DPP10: variants seen among roughly 807,000 people sequenced by gnomAD.
The protein encoded by DPP10 is inactive dipeptidyl peptidase 10.
A neutral mutation model predicts 120.9 loss-of-function variants in DPP10; 33 were observed. The observed-to-expected ratio is 0.27, with a 90% CI of 0.21 to 0.37. The LOEUF is 0.37. DPP10 is among the 10% of genes least tolerant of loss of function. The pLI is 1.00. For synonymous variants in DPP10, 337 were observed against 326.1 expected (o/e 1.03, Z -0.36); for missense variants, 816 against 942.8 (o/e 0.87, Z 1.76).
intron 1 of DPP10, among the ~76,000 whole-genome samples, chr2:115,166,610 A>G (rs1016516833): frequency 6.8e-6 from 1 of 147,676 alleles, no homozygotes; most frequent in Non-Finnish European, 1.5e-5. Flanking sequence ...TTTATTAAGA[A>G]CATACAACAA....
chr2:115,043,878 T>A (rs1704860289), intron 1 of DPP10, among the ~76,000 whole-genome samples: 1 of 152,128 alleles, frequency 6.6e-6, no homozygotes. Flanking sequence ...AGGCAGTAAT[T>A]TTTTAAAAAA....
chr2:115,712,841 G>A (rs2092375834), intron 7 of DPP10, among the ~76,000 whole-genome samples: 1 of 151,686 alleles, frequency 6.6e-6, no homozygotes, highest in African/African-American at 2.4e-5. Context: ...TTTGCAGGTT[G>A]CATGTAAGTA....
At chr2:115,607,079 T>G (rs2083750890) in intron 5 of DPP10, among the ~76,000 whole-genome samples, 1 of 152,058 alleles carries the variant, frequency 6.6e-6, no homozygotes, top group African/African-American at 2.4e-5. Context: ...TCACAGACAA[T>G]TAAAAACTAA....
intron 3 of DPP10, among the ~76,000 whole-genome samples, chr2:115,366,741 C>A (rs543504777): frequency 2.0e-5 from 3 of 152,046 alleles, no homozygotes; most frequent in African/African-American, 4.8e-5. Flanking sequence ...GGTGCAGTTG[C>A]CTAGCTCCCA....
chr2:115,137,217 G>C (rs2050692418), intron 1 of DPP10, among the ~76,000 whole-genome samples: 1 of 152,200 alleles, frequency 6.6e-6, no homozygotes, highest in African/African-American at 2.4e-5. Flanking sequence ...TTTTCTGATA[G>C]GCAGTGATAG....
At chr2:115,460,221 A>G (rs985713094) in intron 3 of DPP10, among the ~76,000 whole-genome samples, 3 of 152,150 alleles carry the variant, frequency 2.0e-5, no homozygotes, top group Non-Finnish European at 2.9e-5. Flanking sequence ...TGGTGTCCAC[A>G]TAAGTAATCA....
intron 2 of DPP10, among the ~76,000 whole-genome samples, chr2:115,334,543 C>T (rs2063003969): frequency 6.6e-6 from 1 of 151,702 alleles, no homozygotes; most frequent in Non-Finnish European, 1.5e-5. Context: ...GTTAAATACA[C>T]TTCTGAAAAG....
chr2:115,308,701 T>TG (rs2061459970), intron 1 of DPP10, among the ~76,000 whole-genome samples: 1 of 151,280 alleles, frequency 6.6e-6, no homozygotes, highest in East Asian at 2.0e-4. Flanking sequence ...CTGTTTTTTT[T>TG]TTTTTTTTTT....
intron 1 of DPP10, among the ~76,000 whole-genome samples, chr2:114,621,105 C>T: frequency 6.6e-6 from 1 of 151,904 alleles, no homozygotes; most frequent in East Asian, 1.9e-4. Context: ...TTTTTTTGCT[C>T]TCCACTGAGA....
intron 1 of DPP10, among the ~76,000 whole-genome samples, chr2:115,207,605 A>C (rs1574012026): frequency 6.6e-6 from 1 of 152,100 alleles, no homozygotes. Context: ...AAGGAACACC[A>C]CTTTTCAAAC....
chr2:114,887,369 T>C (rs1692162977), intron 1 of DPP10, among the ~76,000 whole-genome samples: 1 of 152,214 alleles, frequency 6.6e-6, no homozygotes, highest in Non-Finnish European at 1.5e-5. Flanking sequence ...GCCTAAGGAT[T>C]ATGTCCTCTT....
chr2:115,785,083 A>T (rs934198094), intron 17 of DPP10, among the ~76,000 whole-genome samples: 1 of 152,182 alleles, frequency 6.6e-6, no homozygotes, highest in Non-Finnish European at 1.5e-5. Flanking sequence ...AGTACTTTCT[A>T]TAGATGACTT....
At chr2:115,244,239 T>TATAGAG (rs1348001277) in intron 1 of DPP10, among the ~76,000 whole-genome samples, 47 of 93,480 alleles carry the variant, frequency 5.0e-4, no homozygotes, top group Admixed American at 3.2e-3. Flanking sequence ...TATATATATA[T>TATAGAG]AGAGAGAGAG....
chr2:115,837,319 T>C (rs1689638741), intron 24 of DPP10, among the ~76,000 whole-genome samples: 1 of 152,180 alleles, frequency 6.6e-6, no homozygotes, highest in African/African-American at 2.4e-5. Flanking sequence ...ATAAATAATA[T>C]CATTTTATAT....
intron 1 of DPP10, among the ~76,000 whole-genome samples, chr2:114,747,360 T>C (rs1678673301): frequency 6.6e-6 from 1 of 152,206 alleles, no homozygotes; most frequent in South Asian, 2.1e-4. Context: ...ATCCTTTATT[T>C]AAGGGCCGTT....
chr2:114,763,925 C>A (rs1680491239), intron 1 of DPP10, among the ~76,000 whole-genome samples: 1 of 152,148 alleles, frequency 6.6e-6, no homozygotes, highest in Non-Finnish European at 1.5e-5. Flanking sequence ...GATCCTAGAC[C>A]CTGGCTGCAG....
intron 3 of DPP10, among the ~76,000 whole-genome samples, chr2:115,432,661 G>T (rs377628077): frequency 1.9e-3 from 120 of 63,668 alleles, no homozygotes; most frequent in South Asian, 5.5e-3. Context: ...AGGCAATTTT[G>T]TGTGTGTGTG....
At chr2:115,773,193 C>G (rs1485785454) in intron 13 of DPP10, among the ~76,000 whole-genome samples, 10 of 152,058 alleles carry the variant, frequency 6.6e-5, no homozygotes, top group Non-Finnish European at 2.9e-5. Context: ...TATTTTTAAG[C>G]ACTACAATAT....
chr2:114,675,659 G>C (rs1698621400), intron 1 of DPP10, among the ~76,000 whole-genome samples: 2 of 152,144 alleles, frequency 1.3e-5, no homozygotes, highest in African/African-American at 2.4e-5. Context: ...TGCCTTGGAA[G>C]CTTTTAAAAA....
Sources: gnomAD v4.1 joint callset for allele counts (sites outside exome capture counted in the v4.1 genomes callset) on GRCh38, gnomAD v4.1.1 for gene constraint, MANE v1.5 for transcripts, NCBI Gene and HGNC (gene_info 2026-07-23, HGNC 2026-07-21) for gene names.